The following PTPN14 variants were observed in gnomAD, a reference collection of about 807,000 sequenced individuals.
The protein encoded by PTPN14 is tyrosine-protein phosphatase non-receptor type 14.
PTPN14 carries 53 observed loss-of-function variants against 126.8 expected under a neutral mutation model. The observed-to-expected ratio is 0.42, with a 90% confidence interval of 0.34 to 0.53. The LOEUF is 0.53. PTPN14 is among the 20% of genes least tolerant of loss of function. The pLI, the probability that PTPN14 is intolerant of heterozygous loss-of-function variation, is 0.08. For missense variants in PTPN14, 1,257 were observed against 1,552.9 expected, an observed-to-expected ratio of 0.81 and a Z score of 3.20; for synonymous variants, 630 against 599.3, an observed-to-expected ratio of 1.05 and a Z score of -0.75.
At position 214,384,319 on chromosome 1, in the gene PTPN14, A is replaced by G. The variant is rs1043582223; in HGVS notation, c.1536T>C (p.Ser512=). The change falls in exon 13 of 19, where the codon AGT becomes AGC. Residue 512 remains serine (S), a synonymous_variant. Transcript: ENST00000366956. The surrounding 1 kb of genome is among the most constrained non-coding windows in gnomAD (Gnocchi z 5.3). ...PQGVYSNKLV[S]PSDQRNPKNN... is the part of the protein sequence containing the mutation. ...TCTTTGGGTTCCTCTGGTCAGATGG[A>G]CTGACAAGTTTGTTGCTGTAGACCC... 1 of 1,614,028 alleles carries G rather than the reference A, an allele frequency of 6.2e-7. No homozygotes were observed. Among genetic ancestry groups the G allele is most frequent in the Non-Finnish European group, 8.5e-7 (1 of 1,180,000 alleles).
chr1:214,428,367 G>A (rs6682627), intron 3 of PTPN14, among the ~76,000 whole-genome samples: 123,871 of 152,206 alleles, frequency 0.81, 50,469 homozygotes, highest in African/African-American at 0.85. Context: ...AGATTTGGGG[G>A]AAACGGATTT....
chr1:214,519,494 C>A (rs1655189935), intron 1 of PTPN14, among the ~76,000 whole-genome samples: 1 of 152,110 alleles, frequency 6.6e-6, no homozygotes, highest in African/African-American at 2.4e-5. Context: ...ACTGAAGTAA[C>A]TTCCTAATAT....
chr1:214,449,031 G>C (rs1660212942), intron 3 of PTPN14, among the ~76,000 whole-genome samples: 1 of 41,952 alleles, frequency 2.4e-5, no homozygotes, highest in Non-Finnish European at 4.8e-5. Context: ...TTTTGAGACG[G>C]AGTCTCACTC....
At chr1:214,543,062 T>C (rs571829342) in intron 1 of PTPN14, among the ~76,000 whole-genome samples, 1 of 152,304 alleles carries the variant, frequency 6.6e-6, no homozygotes, top group South Asian at 2.1e-4. Context: ...AAATCTGCCT[T>C]GACATGGTGT....
intron 1 of PTPN14, among the ~76,000 whole-genome samples, chr1:214,467,832 G>T (rs1660674393): frequency 6.6e-6 from 1 of 152,138 alleles, no homozygotes; most frequent in Non-Finnish European, 1.5e-5. Context: ...ATTTCTAAAA[G>T]ACTTTTAAAA....
rs1658847079 is a variant in PTPN14, at chr1:214,395,046, C to T, written c.759-60G>A. 8 of 1,381,154 alleles carry T rather than the reference C, an allele frequency of 5.8e-6. No individual in the cohort carries two copies. The South Asian group carries it at 8.1e-5, about 14-fold the overall frequency. 85.6% of individuals were successfully genotyped at this position (1,381,154 alleles called of 1,614,324 possible). ...AATGTTCCAGGCATTTATGATACAG[C>T]AGAGGAGGGCTGTTTGCTGCTATCA... On this transcript the variant is annotated intron_variant, in intron 8 of 18. Coordinates refer to ENST00000366956, the MANE Select transcript of PTPN14 (RefSeq NM_005401.5).
intron 3 of PTPN14, among the ~76,000 whole-genome samples, chr1:214,437,161 A>G (rs17732428): frequency 0.044 from 6,703 of 152,228 alleles, 238 homozygotes; most frequent in Middle Eastern, 0.099. Context: ...ATTTGGCTGA[A>G]ATTATTTTAT....
intron 5 of PTPN14, among the ~76,000 whole-genome samples, chr1:214,404,749 C>T (rs963253714): frequency 2.0e-5 from 3 of 152,162 alleles, no homozygotes; most frequent in African/African-American, 7.2e-5. Flanking sequence ...CAGCCACACA[C>T]CTGTGGAGCG....
intron 1 of PTPN14, chr1:214,531,745 T>C (rs574358570): frequency 1.3e-5 from 2 of 152,338 alleles, no homozygotes; most frequent in Admixed American, 6.5e-5. Context: ...AACATGACAC[T>C]TGTAAGTTAA....
At chr1:214,418,485 A>G (rs889767782) in intron 3 of PTPN14, among the ~76,000 whole-genome samples, 1 of 152,266 alleles carries the variant, frequency 6.6e-6, no homozygotes, top group African/African-American at 2.4e-5. Context: ...AGACATGGCC[A>G]CAACCAGATC....
chr1:214,503,548 G>A (rs1030057686), intron 1 of PTPN14, among the ~76,000 whole-genome samples: 23 of 152,252 alleles, frequency 1.5e-4, no homozygotes, highest in African/African-American at 5.5e-4. Context: ...TTCAAATCTC[G>A]GTACAGAATT....
rs1661209071 is a variant in PTPN14, at chr1:214,490,684, A to G, written c.-154-25727T>C. 2.0e-5 allele frequency among the ~76,000 whole-genome samples: 3 copies of G among 151,290 alleles called. No individual in the cohort carries two copies. The South Asian group carries it at 6.3e-4, about 32-fold the overall frequency. ...AAACCCTGTTTCTACTAAAAATACA[A>G]AAGTTAGCCAGGCGTGGTGGTGCGC... On this transcript the variant is annotated intron_variant, in intron 1 of 18. Transcript: ENST00000366956.
chr1:214,532,992 T>C (rs1571652413), intron 1 of PTPN14: 1 of 759,838 alleles, frequency 1.3e-6, no homozygotes, highest in Non-Finnish European at 2.4e-6. Flanking sequence ...AGTGCTGGTC[T>C]GAGCGGACTG....
At chr1:214,540,675 C>A (rs1312553242) in intron 1 of PTPN14, among the ~76,000 whole-genome samples, 1 of 152,046 alleles carries the variant, frequency 6.6e-6, no homozygotes, top group African/African-American at 2.4e-5. Context: ...ACTACAGCAA[C>A]CATGAAGCTA....
intron 8 of PTPN14, among the ~76,000 whole-genome samples, chr1:214,395,370 G>A (rs1454217493): frequency 1.3e-5 from 2 of 151,846 alleles, no homozygotes; most frequent in Non-Finnish European, 2.9e-5. Context: ...GTGTTTCCAG[G>A]AACCTAAATA....
intron 9 of PTPN14, among the ~76,000 whole-genome samples, chr1:214,394,238 G>A (rs1401011779): frequency 6.6e-6 from 1 of 152,126 alleles, no homozygotes; most frequent in Admixed American, 6.5e-5. Flanking sequence ...AGGTCCTCCA[G>A]CAAAAGCAAA....
chr1:214,399,728 A>C (rs1476967666), intron 7 of PTPN14, among the ~76,000 whole-genome samples: 1 of 152,038 alleles, frequency 6.6e-6, no homozygotes, highest in African/African-American at 2.4e-5. Flanking sequence ...CTCTTTTTAG[A>C]ACTCCCATTA....
chr1:214,452,330 C>T (rs1213771295), intron 2 of PTPN14, among the ~76,000 whole-genome samples: 1 of 152,214 alleles, frequency 6.6e-6, no homozygotes, highest in Non-Finnish European at 1.5e-5. Context: ...TTCATGATCT[C>T]ACATGGAGCA....
intron 5 of PTPN14, among the ~76,000 whole-genome samples, chr1:214,404,347 T>C (rs912133294): frequency 2.0e-5 from 3 of 152,218 alleles, no homozygotes; most frequent in Non-Finnish European, 4.4e-5. Context: ...TGCGGTTTCC[T>C]GTTTAGCCAT....
Sources: gnomAD v4.1 joint callset for allele counts (sites outside exome capture counted in the v4.1 genomes callset) on GRCh38, gnomAD v4.1.1 for gene constraint, Gnocchi (gnomAD v3.1) non-coding constraint, MANE v1.5 for transcripts, NCBI Gene and HGNC (gene_info 2026-07-23, HGNC 2026-07-21) for gene names.